The following UBE3C variants were observed in gnomAD, a reference collection of about 807,000 sequenced individuals.
The protein encoded by UBE3C is ubiquitin protein ligase E3C.
A neutral mutation model predicts 129.4 loss-of-function variants in UBE3C; 42 were observed. The observed-to-expected ratio is 0.32, with a 90% CI of 0.25 to 0.42. The LOEUF is 0.42. UBE3C is among the 10% of genes least tolerant of loss of function. The pLI is 1.00. For missense variants in UBE3C, 1,049 were observed against 1,319.1 expected, an observed-to-expected ratio of 0.80 and a Z score of 3.17; for synonymous variants, 510 against 492.4, an observed-to-expected ratio of 1.04 and a Z score of -0.47.
chr7:157,153,805 C>T (rs866636579), intron 1 of UBE3C, among the ~76,000 whole-genome samples: 2 of 147,656 alleles, frequency 1.4e-5, no homozygotes, highest in Middle Eastern at 3.4e-3. Context: ...GGCGAGATCC[C>T]GTCTATACTA....
In UBE3C at chr7:157,166,802, A is replaced by G. The variant is rs142597713; in HGVS notation, c.121-2246A>G. On this transcript the variant is annotated intron_variant, in intron 2 of 22. Transcript: ENST00000348165. ...CAAAATTTCTATTTGATTAAAATCT[A>G]TTGTTGGAGAATTATTGTATTCCTT... 2.7e-3 allele frequency among the ~76,000 whole-genome samples: 403 copies of G among 151,138 alleles called. 4 individuals are homozygous for G. The highest frequency in any genetic ancestry group is 9.4e-3 in the African/African-American group (389 of 41,288).
At chr7:157,187,627 G>A (rs1460225253) in intron 10 of UBE3C, among the ~76,000 whole-genome samples, 1 of 151,566 alleles carries the variant, frequency 6.6e-6, no homozygotes, top group East Asian at 1.9e-4. Flanking sequence ...CCAGGCTGGA[G>A]TGCAGTGGCG....
intron 10 of UBE3C, 102 bp downstream of exon 10, chr7:157,187,123 T>C (rs1425004968): frequency 3.5e-5 from 46 of 1,321,704 alleles, no homozygotes; most frequent in Non-Finnish European, 4.7e-5. Flanking sequence ...TCTTTTCTGG[T>C]AGAGATTGAT....
intron 1 of UBE3C, among the ~76,000 whole-genome samples, chr7:157,153,919 C>CG (rs1244255447): frequency 6.6e-6 from 1 of 151,352 alleles, no homozygotes; most frequent in Admixed American, 6.6e-5. Flanking sequence ...CTTGGTGGGG[C>CG]GGGGGCGAGG....
intron 10 of UBE3C, chr7:157,192,715 G>A (rs1338198699): frequency 1.6e-5 from 13 of 827,944 alleles, no homozygotes; most frequent in Admixed American, 5.1e-5. Context: ...AGCTGCCTTC[G>A]TCGAGAGTGC....
intron 13 of UBE3C, among the ~76,000 whole-genome samples, chr7:157,212,793 C>T (rs994749345): frequency 2.6e-5 from 4 of 152,038 alleles, no homozygotes; most frequent in African/African-American, 7.3e-5. Flanking sequence ...GACAGGGTTT[C>T]GTTCTGTTGC....
At chr7:157,247,692 CA>C (rs751049102) in intron 18 of UBE3C, among the ~76,000 whole-genome samples, 1,874 of 137,910 alleles carry the variant, frequency 0.014, 35 homozygotes, top group African/African-American at 0.044. Context: ...ACTCCGTCTC[CA>C]AAAAAAAAAA....
rs547885881 is a variant in UBE3C, at chr7:157,173,854, C to T, written c.343-1065C>T. Reference sequence around the variant, plus strand: ...GGCTCCAAACACCTCAAGAGAAAGCCTGTGTGTAGGCAAATTAACTAATAT... The same window carrying T: ...GGCTCCAAACACCTCAAGAGAAAGCTTGTGTGTAGGCAAATTAACTAATAT... On this transcript the variant is annotated intron_variant, in intron 4 of 22. Transcript: ENST00000348165. 1.2e-3 allele frequency among the ~76,000 whole-genome samples: 178 copies of T among 152,268 alleles called. 1 individual carries two copies. Among genetic ancestry groups the T allele is most frequent in the Non-Finnish European group, 2.3e-3 (154 of 68,012 alleles).
intron 1 of UBE3C, among the ~76,000 whole-genome samples, chr7:157,155,678 C>T (rs1006914378): frequency 6.6e-6 from 1 of 152,134 alleles, no homozygotes; most frequent in African/African-American, 2.4e-5. Context: ...AGCATTTTCC[C>T]CCCATTTGAA....
At chr7:157,218,008 G>A (rs936120799) in intron 14 of UBE3C, among the ~76,000 whole-genome samples, 30 of 152,288 alleles carry the variant, frequency 2.0e-4, no homozygotes, top group Admixed American at 1.8e-3. Flanking sequence ...GGGTGACAGA[G>A]CGAGATTCTG....
At chr7:157,223,457 T>G (rs1795793058) in intron 16 of UBE3C, 106 bp downstream of exon 16, 3 of 896,926 alleles carry the variant, frequency 3.3e-6, no homozygotes, top group Non-Finnish European at 5.0e-6. Flanking sequence ...CCTGGCTGAT[T>G]ACATAACATA....
rs1795849720 is a variant in UBE3C at position 157,225,418 on chromosome 7, G to A, written c.2112G>A (p.Arg704=). ...PFEERVKIFQ[R]LIYADKQEVQ... ...TCCTTGTTTGTTAGATCTTTCAGAGGTTGATTTATGCAGATAAGCAAGAAG... is the reference window on the plus strand; with the variant it reads ...TCCTTGTTTGTTAGATCTTTCAGAGATTGATTTATGCAGATAAGCAAGAAG... The change falls in exon 17 of 23, where the codon AGG becomes AGA. Residue 704 remains arginine (R), a synonymous_variant. Transcript: ENST00000348165. 1.2e-6 allele frequency: 2 copies of A among 1,603,428 alleles called. No individual in the cohort carries two copies. Among genetic ancestry groups the A allele is most frequent in the South Asian group, 2.3e-5 (2 of 88,260 alleles).
At chr7:157,203,765 C>T (rs907095570) in intron 11 of UBE3C, among the ~76,000 whole-genome samples, 1 of 152,072 alleles carries the variant, frequency 6.6e-6, no homozygotes, top group African/African-American at 2.4e-5. Context: ...AATGAAGTCC[C>T]TCAAGAAACT....
At chr7:157,230,514 G>A (rs913113659) in intron 17 of UBE3C, among the ~76,000 whole-genome samples, 19 of 152,040 alleles carry the variant, frequency 1.2e-4, no homozygotes, top group Middle Eastern at 3.4e-3. Flanking sequence ...GGCCAATATG[G>A]TGAAACCCCA....
intron 2 of UBE3C, among the ~76,000 whole-genome samples, chr7:157,167,014 C>G (rs188050132): frequency 1.4e-3 from 209 of 152,146 alleles, no homozygotes; most frequent in African/African-American, 4.7e-3. Flanking sequence ...ACTGCAACCT[C>G]CACCTCCTGG....
chr7:157,252,100 C>A (rs1465316491), intron 19 of UBE3C, among the ~76,000 whole-genome samples: 2 of 151,918 alleles, frequency 1.3e-5, no homozygotes, highest in East Asian at 3.9e-4. Flanking sequence ...TGCTCCACTG[C>A]ACTCCAGTGT....
chr7:157,172,828 A>G (rs1317198847), intron 4 of UBE3C, among the ~76,000 whole-genome samples: 1 of 152,224 alleles, frequency 6.6e-6, no homozygotes, highest in African/African-American at 2.4e-5. Flanking sequence ...ACAGACAGGC[A>G]GGTGCTGTGA....
At chr7:157,260,496 T>C (rs1296111639) in intron 22 of UBE3C, among the ~76,000 whole-genome samples, 1 of 151,968 alleles carries the variant, frequency 6.6e-6, no homozygotes, top group East Asian at 1.9e-4. Flanking sequence ...GGTGGCAGAG[T>C]CTGGAGGGCT....
intron 21 of UBE3C, among the ~76,000 whole-genome samples, chr7:157,256,471 C>T (rs1179932217): frequency 2.0e-5 from 3 of 151,512 alleles, no homozygotes; most frequent in East Asian, 3.9e-4. Context: ...AGTTGCTCTC[C>T]CCTTCTCGTA....
Sources: gnomAD v4.1 joint callset for allele counts (sites outside exome capture counted in the v4.1 genomes callset) on GRCh38, gnomAD v4.1.1 for gene constraint, MANE v1.5 for transcripts, NCBI Gene and HGNC (gene_info 2026-07-23, HGNC 2026-07-21) for gene names.